The following PRKG1 variants were observed in gnomAD, a reference collection of about 807,000 sequenced individuals.
The protein encoded by PRKG1 is cGMP-dependent protein kinase 1.
Under a neutral mutation model 88.1 loss-of-function variants are expected in PRKG1, and 35 were observed. The ratio of observed to expected loss-of-function variants is 0.40; its 90% CI spans 0.30 to 0.53. The LOEUF is 0.53. Ranked by LOEUF, PRKG1 falls within the 20% of genes least tolerant of loss-of-function variation. The probability of loss-of-function intolerance (pLI) is 0.59; values close to 1 mark genes in which losing one functional copy is unlikely to be tolerated. For synonymous variants in PRKG1, 303 were observed against 292.5 expected (o/e 1.04, Z -0.37); for missense variants, 540 against 839.8 (o/e 0.64, Z 4.41).
At chr10:52,016,264 A>G (rs1466891741) in intron 5 of PRKG1, among the ~76,000 whole-genome samples, 2 of 152,232 alleles carry the variant, frequency 1.3e-5, no homozygotes, top group African/African-American at 4.8e-5. Flanking sequence ...CAGGAAACTT[A>G]CAATTATGGC....
At chr10:52,021,649 T>C (rs1248514971) in intron 5 of PRKG1, among the ~76,000 whole-genome samples, 1 of 152,210 alleles carries the variant, frequency 6.6e-6, no homozygotes, top group Admixed American at 6.5e-5. Context: ...GATGCATGGA[T>C]ACCTAATTTC....
At chr10:51,460,228 A>T (rs1332582607) in intron 2 of PRKG1, among the ~76,000 whole-genome samples, 1 of 152,096 alleles carries the variant, frequency 6.6e-6, no homozygotes, top group Non-Finnish European at 1.5e-5. Context: ...GTTACATTAT[A>T]TTACATACTC....
chr10:52,221,593 T>C (rs1729581), intron 9 of PRKG1, among the ~76,000 whole-genome samples: 36,380 of 152,122 alleles, frequency 0.24, 4,825 homozygotes, highest in Non-Finnish European at 0.29. Flanking sequence ...TGTTAAGTCA[T>C]ATTTATTTTA....
At chr10:51,247,036 T>C (rs1839309438) in intron 2 of PRKG1, among the ~76,000 whole-genome samples, 1 of 151,888 alleles carries the variant, frequency 6.6e-6, no homozygotes, top group Non-Finnish European at 1.5e-5. Flanking sequence ...CAAGACATAA[T>C]TCGAAAAGAG....
chr10:52,000,844 A>G (rs1424158807), intron 5 of PRKG1, among the ~76,000 whole-genome samples: 1 of 152,104 alleles, frequency 6.6e-6, no homozygotes, highest in African/African-American at 2.4e-5. Context: ...AATCACTTCA[A>G]TGTAATAAAA....
At chr10:52,251,423 A>G in intron 9 of PRKG1, 147 bp from the exon 10 acceptor site, 1 of 623,250 alleles carries the variant, frequency 1.6e-6, no homozygotes, top group South Asian at 2.2e-5. Flanking sequence ...AAAAATTATG[A>G]GTGTGAGAAA....
chr10:51,500,609 T>C (rs1840996171), intron 3 of PRKG1, among the ~76,000 whole-genome samples: 1 of 152,318 alleles, frequency 6.6e-6, no homozygotes, highest in Admixed American at 6.5e-5. Flanking sequence ...ATATAGAGCC[T>C]GGTTATCTTT....
chr10:51,183,278 C>T (rs1003741000), intron 2 of PRKG1, among the ~76,000 whole-genome samples: 8 of 152,096 alleles, frequency 5.3e-5, no homozygotes, highest in South Asian at 2.1e-4. Context: ...AGATAAACAG[C>T]GCAAAAAGGG....
intron 3 of PRKG1, among the ~76,000 whole-genome samples, chr10:51,740,313 A>G (rs4431975): frequency 0.23 from 35,585 of 152,080 alleles, 5,304 homozygotes; most frequent in African/African-American, 0.43. Flanking sequence ...ACAGGCTGGA[A>G]ACATAGCAAC....
chr10:51,466,450 C>A (rs1926213), intron 2 of PRKG1, among the ~76,000 whole-genome samples: 23,010 of 151,964 alleles, frequency 0.15, 2,058 homozygotes, highest in Admixed American at 0.26. Flanking sequence ...GATTTTTATT[C>A]TAATTACTGC....
chr10:51,915,180 A>T (rs550027028), intron 5 of PRKG1, among the ~76,000 whole-genome samples: 16 of 152,328 alleles, frequency 1.1e-4, no homozygotes, highest in Non-Finnish European at 2.1e-4. Context: ...TGAGTAACAG[A>T]GAAAAAGTCC....
At chr10:51,266,334 C>T (rs1405041160) in intron 2 of PRKG1, among the ~76,000 whole-genome samples, 2 of 152,048 alleles carry the variant, frequency 1.3e-5, no homozygotes, top group Non-Finnish European at 2.9e-5. Flanking sequence ...GGAGTAGCAA[C>T]AGACTAGAGA....
intron 2 of PRKG1, among the ~76,000 whole-genome samples, chr10:51,339,626 T>G (rs1841958811): frequency 6.6e-6 from 1 of 151,998 alleles, no homozygotes; most frequent in African/African-American, 2.4e-5. Context: ...TTATATATAT[T>G]TATGTGTATA....
At chr10:51,158,102 T>C (rs1846260499) in intron 2 of PRKG1, among the ~76,000 whole-genome samples, 2 of 151,922 alleles carry the variant, frequency 1.3e-5, no homozygotes, top group Non-Finnish European at 2.9e-5. Flanking sequence ...TACAGAATAC[T>C]AGAACTTACC....
intron 4 of PRKG1, among the ~76,000 whole-genome samples, chr10:51,820,950 C>G (rs1839728979): frequency 6.6e-6 from 1 of 152,038 alleles, no homozygotes; most frequent in African/African-American, 2.4e-5. Flanking sequence ...GTAAAAAATA[C>G]CAGCTCACAA....
In PRKG1 at chr10:51,830,561, T is replaced by G. The variant is rs10999678; in HGVS notation, c.698+25871T>G. ...TTCTCTTAAAGTGTTTTTTTTTTTG[T>G]TTTTTTTTTTTTTTTTTTGAGTCAC... On this transcript the variant is annotated intron_variant, in intron 4 of 17. Transcript: ENST00000373980. Among the ~76,000 whole-genome samples, 82 of 41,636 alleles carry G rather than the reference T, an allele frequency of 2.0e-3. No individual in the cohort carries two copies. In the African/African-American group the frequency reaches 0.021, roughly 11 times the overall value. 27.3% of individuals were successfully genotyped at this position (41,636 alleles called of 152,430 possible).
rs558575446 is a variant in PRKG1, at chr10:51,430,040, T to C, written c.479-37683T>C. 1.1e-4 allele frequency among the ~76,000 whole-genome samples: 17 copies of C among 151,366 alleles called. 1 individual carries two copies. The South Asian group carries it at 3.5e-3, about 32-fold the overall frequency. ...GTATCTTAACAAACTCAGAGTGGAATAGACAGAAAGTCCTCCAAAGCTACA... is the reference window on the plus strand; with the variant it reads ...GTATCTTAACAAACTCAGAGTGGAACAGACAGAAAGTCCTCCAAAGCTACA... On this transcript the variant is annotated intron_variant, in intron 2 of 17. Coordinates refer to ENST00000373980, the MANE Select transcript of PRKG1 (RefSeq NM_006258.4).
chr10:51,673,932 C>G (rs1468918830), intron 3 of PRKG1, among the ~76,000 whole-genome samples: 1 of 152,006 alleles, frequency 6.6e-6, no homozygotes, highest in Non-Finnish European at 1.5e-5. Flanking sequence ...GGGAATTTTT[C>G]CCCCTTTGGA....
intron 2 of PRKG1, among the ~76,000 whole-genome samples, chr10:51,464,374 T>C (rs555587527): frequency 4.1e-4 from 62 of 152,290 alleles, no homozygotes; most frequent in African/African-American, 1.4e-3. Context: ...ATATTGAATT[T>C]CCAGTGTTTA....
Sources: allele counts gnomAD v4.1 joint callset (sites outside exome capture counted in the v4.1 genomes callset), GRCh38; gene constraint gnomAD v4.1.1; transcripts MANE v1.5; gene names NCBI Gene and HGNC (gene_info 2026-07-23, HGNC 2026-07-21).